EHMT1: variants seen among roughly 807,000 people sequenced by gnomAD.
EHMT1 encodes the protein histone-lysine N-methyltransferase EHMT1.
In EHMT1, 15 loss-of-function variants were observed where a neutral mutation model predicts 147.2. That is an observed-to-expected ratio of 0.10 (90% CI 0.07 to 0.16). The LOEUF is 0.16. EHMT1 is among the 10% of genes least tolerant of loss of function. The pLI, the probability that EHMT1 is intolerant of heterozygous loss-of-function variation, is 1.00. For synonymous variants in EHMT1, 795 were observed against 709.6 expected, an observed-to-expected ratio of 1.12 and a Z score of -1.91; for missense variants, 1,587 against 1,772.4, an observed-to-expected ratio of 0.90 and a Z score of 1.88.
At chr9:137,824,126 G>A (rs1192154450) in intron 25 of EHMT1, among the ~76,000 whole-genome samples, 1 of 152,076 alleles carries the variant, frequency 6.6e-6, no homozygotes, top group East Asian at 1.9e-4. Flanking sequence ...TGCAAGTTAA[G>A]GCCAGACACA....
chr9:137,620,885 T>C lies in EHMT1; in HGVS notation c.21+1836T>C, dbSNP rs572967660. 1.2e-3 allele frequency among the ~76,000 whole-genome samples: 180 copies of C among 152,336 alleles called. 1 individual carries two copies. Among genetic ancestry groups the C allele is most frequent in the Admixed American group, 2.7e-3 (42 of 15,296 alleles). ...CACACCTGATGAGAATGACAGCCTG[T>C]GTTGACTGAGCCCTGACTTGTGTCC... On this transcript the variant is annotated intron_variant, in intron 1 of 26. Coordinates refer to ENST00000460843, the MANE Select transcript of EHMT1 (RefSeq NM_024757.5).
At chr9:137,640,359 G>A (rs535640136) in intron 1 of EHMT1, among the ~76,000 whole-genome samples, 10 of 152,250 alleles carry the variant, frequency 6.6e-5, no homozygotes, top group Non-Finnish European at 7.4e-5. Flanking sequence ...GCTCACTGCA[G>A]CCTTGACCCT....
intron 1 of EHMT1, among the ~76,000 whole-genome samples, chr9:137,649,949 C>T (rs1845187356): frequency 6.6e-6 from 1 of 152,176 alleles, no homozygotes; most frequent in African/African-American, 2.4e-5. Context: ...CTCTGTGTTA[C>T]TTCTTACAAT....
intron 1 of EHMT1, among the ~76,000 whole-genome samples, chr9:137,671,150 A>G (rs1048497961): frequency 1.4e-4 from 21 of 152,192 alleles, no homozygotes; most frequent in African/African-American, 2.4e-4. Context: ...GTTTTCCCGT[A>G]TAATTATTCT....
At chr9:137,814,056 G>GCCCCCCCCCC (rs71387862) in intron 21 of EHMT1, among the ~76,000 whole-genome samples, 3 of 50,050 alleles carry the variant, frequency 6.0e-5, no homozygotes, top group Non-Finnish European at 1.0e-4. Flanking sequence ...CACTGCCCAG[G>GCCCCCCCCCC]CCCCCCCCCC....
At chr9:137,679,477 G>A (rs1245267626) in intron 1 of EHMT1, among the ~76,000 whole-genome samples, 1 of 152,170 alleles carries the variant, frequency 6.6e-6, no homozygotes, top group Non-Finnish European at 1.5e-5. Flanking sequence ...GGTTACTGAT[G>A]TGGAGTTCCC....
intron 4 of EHMT1, chr9:137,738,626 A>G (rs1271129374): frequency 6.6e-6 from 1 of 152,012 alleles, no homozygotes; most frequent in Admixed American, 6.5e-5. Context: ...CAGCAGCCAA[A>G]AGGGGGAAGC....
At chr9:137,681,530 C>T (rs1473311367) in intron 1 of EHMT1, among the ~76,000 whole-genome samples, 1 of 152,132 alleles carries the variant, frequency 6.6e-6, no homozygotes, top group Non-Finnish European at 1.5e-5. Flanking sequence ...TGTTTTTTCT[C>T]TCCAGCAATT....
At chr9:137,814,663 G>A (rs1954779520) in intron 22 of EHMT1, 155 bp downstream of exon 22, 13 of 812,354 alleles carry the variant, frequency 1.6e-5, no homozygotes, top group Middle Eastern at 6.6e-4. Flanking sequence ...GAGGCACAGC[G>A]GGCACCAGCA....
chr9:137,800,772 G>A (rs896314973), intron 17 of EHMT1, 108 bp from the exon 18 acceptor site: 13 of 920,132 alleles, frequency 1.4e-5, no homozygotes, highest in African/African-American at 1.1e-4. Context: ...ACGCCTGCAC[G>A]AGGGGCATGG....
At chr9:137,670,152 G>A (rs1196216250) in intron 1 of EHMT1, among the ~76,000 whole-genome samples, 1 of 152,144 alleles carries the variant, frequency 6.6e-6, no homozygotes, top group Non-Finnish European at 1.5e-5. Context: ...GAGCCACCGC[G>A]CCTGGGCTGA....
At chr9:137,639,673 C>T (rs780239329) in intron 1 of EHMT1, among the ~76,000 whole-genome samples, 4 of 152,114 alleles carry the variant, frequency 2.6e-5, no homozygotes, top group African/African-American at 9.7e-5. Context: ...TTTTTCTGGC[C>T]TTTTAATCTC....
chr9:137,619,294 G>A (rs1236330991), intron 1 of EHMT1, among the ~76,000 whole-genome samples: 1 of 148,180 alleles, frequency 6.7e-6, no homozygotes, highest in Non-Finnish European at 1.5e-5. Context: ...CGGCGGCTGG[G>A]GGAGCGGGCG....
Position 137,786,312 on chromosome 9 carries a change from A to G in EHMT1, c.2382+3915A>G, listed in dbSNP as rs144334747. ...TGCAGAACTTACTGTTGCTGGTCTT[A>G]GAGGGATTTCTATTTTTTCTTCCCC... On this transcript the variant is annotated intron_variant, in intron 15 of 26. Coordinates refer to ENST00000460843, the MANE Select transcript of EHMT1 (RefSeq NM_024757.5). The surrounding 1 kb of genome is among the most constrained non-coding windows in gnomAD (Gnocchi z 4.3). 1 of 152,328 alleles carries G rather than the reference A, an allele frequency of 6.6e-6. No individual in the cohort carries two copies. Among genetic ancestry groups the G allele is most frequent in the East Asian group, 1.9e-4 (1 of 5,182 alleles). The allele number at this position is 152,328 out of a possible 1,614,324, so 9.4% of individuals were successfully genotyped here. A position where few individuals can be genotyped will look rare whatever the true frequency, so the allele number is the denominator to read the frequency against.
chr9:137,635,643 AC>A (rs1245344794), intron 1 of EHMT1, among the ~76,000 whole-genome samples: 2 of 149,916 alleles, frequency 1.3e-5, no homozygotes, highest in Admixed American at 6.6e-5. Flanking sequence ...ACATGGTGAA[AC>A]CCCGTCTCTA....
intron 4 of EHMT1, among the ~76,000 whole-genome samples, chr9:137,737,123 G>T (rs932140854): frequency 2.6e-5 from 4 of 151,824 alleles, no homozygotes; most frequent in Non-Finnish European, 5.9e-5. Flanking sequence ...GAGGTGGGAG[G>T]ATTGCTGGAG....
At chr9:137,762,363 A>G (rs1949893873) in intron 9 of EHMT1, among the ~76,000 whole-genome samples, 3 of 152,030 alleles carry the variant, frequency 2.0e-5, no homozygotes, top group Non-Finnish European at 1.5e-5. Context: ...TTTAGGAGCT[A>G]CTGCCAGAGG....
intron 1 of EHMT1, among the ~76,000 whole-genome samples, chr9:137,633,474 G>A (rs2252695): frequency 0.044 from 6,692 of 152,140 alleles, 477 homozygotes; most frequent in African/African-American, 0.15. Context: ...ACAGTTTTCT[G>A]TTTCATCTTT....
intron 1 of EHMT1, chr9:137,676,538 AC>A (rs1941343591): frequency 2.0e-5 from 3 of 152,216 alleles, no homozygotes; most frequent in Non-Finnish European, 2.9e-5. Flanking sequence ...GCTAATTTTT[AC>A]ATTATCTGTA....
Sources: gnomAD v4.1 joint callset for allele counts (sites outside exome capture counted in the v4.1 genomes callset) on GRCh38, gnomAD v4.1.1 for gene constraint, Gnocchi (gnomAD v3.1) non-coding constraint, MANE v1.5 for transcripts, NCBI Gene and HGNC (gene_info 2026-07-23, HGNC 2026-07-21) for gene names.